Variants in AACS observed in about 807,000 individuals in gnomAD.
AACS encodes acetoacetate-CoA ligase.
Under a neutral mutation model 83.1 loss-of-function variants are expected in AACS, and 69 were observed. The observed-to-expected ratio is 0.83, with a 90% CI of 0.68 to 1.01. The LOEUF is 1.01. Ranked by LOEUF, AACS falls within the 50% of genes least tolerant of loss-of-function variation. The probability of loss-of-function intolerance (pLI) is 0.00; values close to 1 mark genes in which losing one functional copy is unlikely to be tolerated. For synonymous variants in AACS, 333 were observed against 343.4 expected, an observed-to-expected ratio of 0.97 and a Z score of 0.33; for missense variants, 866 against 882.2, an observed-to-expected ratio of 0.98 and a Z score of 0.23.
At chr12:125,091,838 G>A (rs1956493233) in intron 5 of AACS, among the ~76,000 whole-genome samples, 2 of 152,242 alleles carry the variant, frequency 1.3e-5, no homozygotes, top group African/African-American at 2.4e-5. Flanking sequence ...TAGTGACCAC[G>A]TGAGGTTTGC....
At chr12:125,085,724 A>G (rs528293214) in intron 3 of AACS, among the ~76,000 whole-genome samples, 1 of 152,254 alleles carries the variant, frequency 6.6e-6, no homozygotes, top group East Asian at 1.9e-4. Context: ...TCTTTCTTTG[A>G]AACTTCTTGT....
intron 7 of AACS, 134 bp from the exon 8 acceptor site, chr12:125,106,987 A>G: frequency 7.5e-7 from 1 of 1,329,540 alleles, no homozygotes; most frequent in South Asian, 1.4e-5. Flanking sequence ...AAGTTTCCAA[A>G]TCTGGCCACC....
chr12:125,088,822 G>C (rs972210637), intron 4 of AACS, among the ~76,000 whole-genome samples: 3 of 152,198 alleles, frequency 2.0e-5, no homozygotes, highest in Non-Finnish European at 2.9e-5. Context: ...CTGGTTCCTT[G>C]TGCCCCAGCC....
At chr12:125,115,644 T>A (rs1293883688) in intron 9 of AACS, among the ~76,000 whole-genome samples, 1 of 152,136 alleles carries the variant, frequency 6.6e-6, no homozygotes, top group East Asian at 1.9e-4. Context: ...GTGCCCCTTA[T>A]GAGAGACTCC....
chr12:125,102,525 T>G (rs1457912711), intron 5 of AACS, 154 bp from the exon 6 acceptor site: 2 of 682,472 alleles, frequency 2.9e-6, no homozygotes, highest in East Asian at 5.3e-5. Context: ...AATGCAGTGG[T>G]GCAAGCATAG....
chr12:125,073,738 C>G, intron 1 of AACS, 138 bp from the exon 2 acceptor site: 1 of 643,044 alleles, frequency 1.6e-6, no homozygotes, highest in Non-Finnish European at 2.7e-6. Context: ...AAATTAAGCT[C>G]CTTCCTCCCC....
At chr12:125,075,100 G>A (rs1489582229) in intron 2 of AACS, among the ~76,000 whole-genome samples, 1 of 149,090 alleles carries the variant, frequency 6.7e-6, no homozygotes, top group African/African-American at 2.5e-5. Context: ...TCACCCTCCC[G>A]AGTAGCTGGG....
chr12:125,129,064 G>A lies in AACS; in HGVS notation c.1424-271G>A, dbSNP rs1226090313. 1.9e-5 allele frequency: 6 copies of A among 312,946 alleles called. No individual in the cohort carries two copies. Among genetic ancestry groups the A allele is most frequent in the Admixed American group, 4.9e-5 (1 of 20,612 alleles). The allele number at this position is 312,946 out of a possible 1,614,324, so 19.4% of individuals were successfully genotyped here. On this transcript the variant is annotated intron_variant, in intron 13 of 17. Coordinates refer to ENST00000316519, the MANE Select transcript of AACS (RefSeq NM_023928.5). This position sits in a 1 kb window ranked among gnomAD's most constrained non-coding sequence, Gnocchi z 4.3. Reference sequence around the variant, plus strand: ...GACGACATATGCTATTCAAGGATGCGTGTGGATGGAGCAGAAATGTTAACA... The same window carrying A: ...GACGACATATGCTATTCAAGGATGCATGTGGATGGAGCAGAAATGTTAACA...
chr12:125,127,810 G>T (rs1957269902), intron 12 of AACS: 1 of 167,378 alleles, frequency 6.0e-6, no homozygotes, highest in South Asian at 1.9e-4. Flanking sequence ...CATGTGATGG[G>T]TCTGTCTAGG....
In AACS at chr12:125,113,683, C is replaced by T. The variant is rs931246670; in HGVS notation, c.916-794C>T. On this transcript the variant is annotated intron_variant, in intron 8 of 17. Coordinates refer to ENST00000316519, the MANE Select transcript of AACS (RefSeq NM_023928.5). This position sits in a 1 kb window ranked among gnomAD's most constrained non-coding sequence, Gnocchi z 4.8. ...GGTGGAAAAGGCAAAGTGCGGGACA[C>T]TGTGTCACAATGAACAAAATGGCAT... 1.3e-5 allele frequency among the ~76,000 whole-genome samples: 2 copies of T among 152,194 alleles called. No individual in the cohort carries two copies. Among genetic ancestry groups the T allele is most frequent in the Non-Finnish European group, 2.9e-5 (2 of 68,040 alleles).
chr12:125,131,108 T>G (rs1434397789), intron 14 of AACS, among the ~76,000 whole-genome samples: 1 of 152,116 alleles, frequency 6.6e-6, no homozygotes, highest in Non-Finnish European at 1.5e-5. Context: ...TGATGCCAGG[T>G]GAAAATGTAA....
At chr12:125,133,299 C>T (rs1033110295) in intron 14 of AACS, among the ~76,000 whole-genome samples, 23 of 152,278 alleles carry the variant, frequency 1.5e-4, no homozygotes, top group African/African-American at 4.8e-4. Flanking sequence ...TCCTTAGAGG[C>T]GGCATCCAAA....
intron 17 of AACS, 68 bp downstream of exon 17, chr12:125,136,932 C>T (rs761811196): frequency 2.0e-5 from 31 of 1,521,026 alleles, no homozygotes; most frequent in Non-Finnish European, 2.8e-5. Flanking sequence ...TTGAGGGGCG[C>T]TTACATCTGA....
At chr12:125,069,491 G>A (rs1345401910) in intron 1 of AACS, among the ~76,000 whole-genome samples, 1 of 152,214 alleles carries the variant, frequency 6.6e-6, no homozygotes, top group Admixed American at 6.5e-5. Flanking sequence ...GCTTCCAGCT[G>A]AAGCCACCTG....
intron 4 of AACS, among the ~76,000 whole-genome samples, chr12:125,086,743 G>T (rs768060285): frequency 6.6e-6 from 1 of 151,328 alleles, no homozygotes; most frequent in African/African-American, 2.4e-5. Flanking sequence ...GGATGAAGGC[G>T]CATTCAATAT....
At chr12:125,072,535 C>G (rs1185499342) in intron 1 of AACS, among the ~76,000 whole-genome samples, 1 of 152,152 alleles carries the variant, frequency 6.6e-6, no homozygotes. Flanking sequence ...TTATTATATC[C>G]TTGCCAGTCT....
chr12:125,111,795 T>TGCCTTACCCTCAGGGAAA (rs1160774228), intron 8 of AACS, among the ~76,000 whole-genome samples: 2 of 152,218 alleles, frequency 1.3e-5, no homozygotes, highest in Non-Finnish European at 2.9e-5. Context: ...CTGTTTATGC[T>TGCCTTACCCTCAGGGAAA]GCCTTACCCT....
At position 125,142,345 on chromosome 12, in the gene AACS, C is replaced by A; in HGVS notation, c.*116C>A. The A allele has an allele frequency of 7.0e-7, 1 of 1,420,204 alleles. No individual in the cohort carries two copies. The highest frequency in any genetic ancestry group is 9.5e-7 in the Non-Finnish European group (1 of 1,051,550). 88.0% of individuals were successfully genotyped at this position (1,420,204 alleles called of 1,614,324 possible). On this transcript the variant is annotated 3_prime_UTR_variant, in exon 18 of 18. Transcript: ENST00000316519. ...TAAAAGGATGCTCGCACCAAGTGTT[C>A]TGTAGGCTTGGGGAGGGATCGTTTC...
In AACS at chr12:125,065,573, C is replaced by CCCGCCG; in HGVS notation, c.-6_-1dup. The CCCGCCG allele has an allele frequency of 1.1e-5, 17 of 1,506,562 alleles. No individual in the cohort carries two copies. The highest frequency in any genetic ancestry group is 1.5e-5 in the Non-Finnish European group (17 of 1,127,774). 93.3% of individuals were successfully genotyped at this position (1,506,562 alleles called of 1,614,324 possible). On this transcript the variant is annotated 5_prime_UTR_variant, in exon 1 of 18. Transcript: ENST00000316519. ...CCAGCCCTCGTCGCAGCCCCGGCCG[C>CCCGCCG]CCGCCGCCGCCATGTCCAAGGAGGA... is the stretch of plus-strand genomic sequence containing the variant.
Sources: gnomAD v4.1 joint callset for allele counts (sites outside exome capture counted in the v4.1 genomes callset) on GRCh38, gnomAD v4.1.1 for gene constraint, Gnocchi (gnomAD v3.1) non-coding constraint, MANE v1.5 for transcripts, NCBI Gene and HGNC (gene_info 2026-07-23, HGNC 2026-07-21) for gene names.